Variants in TCF7L2 observed in about 807,000 individuals in gnomAD.
The protein encoded by TCF7L2 is transcription factor 7 like 2.
TCF7L2 carries 23 observed loss-of-function variants against 77.9 expected under a neutral mutation model. That is an observed-to-expected ratio of 0.30 (90% CI 0.21 to 0.42). The LOEUF is 0.42. Ranked by LOEUF, TCF7L2 falls within the 10% of genes least tolerant of loss-of-function variation. The pLI is 1.00. For synonymous variants in TCF7L2, 413 were observed against 340.2 expected (o/e 1.21, Z -2.36); for missense variants, 654 against 793.1 (o/e 0.82, Z 2.11).
intron 5 of TCF7L2, among the ~76,000 whole-genome samples, chr10:113,082,437 C>G (rs72641337): frequency 0.051 from 7,808 of 151,860 alleles, 866 homozygotes; most frequent in East Asian, 0.47. Context: ...GTACACTTTC[C>G]CCCCCACAGG....
intron 4 of TCF7L2, among the ~76,000 whole-genome samples, chr10:113,000,976 AG>A (rs1193301066): frequency 6.6e-6 from 1 of 152,214 alleles, no homozygotes; most frequent in Non-Finnish European, 1.5e-5. Context: ...ATGTGTGAAC[AG>A]GGTTTTGACA....
At chr10:113,059,503 G>T (rs1002085722) in intron 5 of TCF7L2, among the ~76,000 whole-genome samples, 1 of 152,154 alleles carries the variant, frequency 6.6e-6, no homozygotes, top group Non-Finnish European at 1.5e-5. Context: ...TTTGGAGTTT[G>T]AATCAAAAAC....
chr10:112,967,813 T>G (rs2037334106), intron 4 of TCF7L2, among the ~76,000 whole-genome samples: 1 of 151,978 alleles, frequency 6.6e-6, no homozygotes, highest in Non-Finnish European at 1.5e-5. Context: ...TTTTGTATTT[T>G]TAGTGGAGAT....
intron 4 of TCF7L2, among the ~76,000 whole-genome samples, chr10:112,970,953 T>C (rs761341896): frequency 2.0e-5 from 3 of 152,212 alleles, no homozygotes; most frequent in Non-Finnish European, 4.4e-5. Context: ...AGAGAGATCA[T>C]TTCACTAGAG....
chr10:112,988,362 G>C (rs552505902), intron 4 of TCF7L2, among the ~76,000 whole-genome samples: 45 of 152,206 alleles, frequency 3.0e-4, no homozygotes, highest in Non-Finnish European at 5.7e-4. Context: ...GCCTCCCAAA[G>C]TGCTGGGATT....
chr10:113,156,444 T>C (rs1233271113), intron 11 of TCF7L2, among the ~76,000 whole-genome samples: 2 of 152,214 alleles, frequency 1.3e-5, no homozygotes, highest in Non-Finnish European at 2.9e-5. Flanking sequence ...TCATTGTCTT[T>C]TTCTCTTCCG....
intron 5 of TCF7L2, among the ~76,000 whole-genome samples, chr10:113,063,622 A>T (rs2056818535): frequency 6.6e-6 from 1 of 151,980 alleles, no homozygotes; most frequent in Non-Finnish European, 1.5e-5. Flanking sequence ...CATTAATCTG[A>T]TTCTGTTATC....
intron 5 of TCF7L2, among the ~76,000 whole-genome samples, chr10:113,058,839 G>A (rs549350277): frequency 6.6e-6 from 1 of 152,250 alleles, no homozygotes; most frequent in East Asian, 1.9e-4. Context: ...TTTATTCCTC[G>A]GTAAATCCTT....
At chr10:113,007,604 T>A (rs1053845639) in intron 4 of TCF7L2, among the ~76,000 whole-genome samples, 1 of 152,118 alleles carries the variant, frequency 6.6e-6, no homozygotes, top group African/African-American at 2.4e-5. Context: ...GTAAACAGAG[T>A]GATTCTGCCA....
At chr10:113,045,496 C>T (rs1180429280) in intron 5 of TCF7L2, among the ~76,000 whole-genome samples, 3 of 152,110 alleles carry the variant, frequency 2.0e-5, no homozygotes, top group African/African-American at 7.2e-5. Context: ...CCCTGGGACC[C>T]CCAGGGAACC....
intron 5 of TCF7L2, among the ~76,000 whole-genome samples, chr10:113,044,894 A>G (rs1307794143): frequency 6.6e-6 from 1 of 152,048 alleles, no homozygotes; most frequent in South Asian, 2.1e-4. Context: ...GACACTGGGG[A>G]GTCATTTGAG....
At chr10:113,030,340 C>T (rs1430933886) in intron 4 of TCF7L2, among the ~76,000 whole-genome samples, 1 of 152,210 alleles carries the variant, frequency 6.6e-6, no homozygotes, top group Non-Finnish European at 1.5e-5. Context: ...ATTCTTATCC[C>T]AGAACATACC....
At chr10:113,159,517 C>G (rs2072685792) in intron 12 of TCF7L2, among the ~76,000 whole-genome samples, 1 of 151,460 alleles carries the variant, frequency 6.6e-6, no homozygotes, top group Admixed American at 6.6e-5. Flanking sequence ...GCTTTATTTT[C>G]TTCTTTAAGA....
At chr10:113,005,663 G>A (rs953531318) in intron 4 of TCF7L2, among the ~76,000 whole-genome samples, 2 of 152,140 alleles carry the variant, frequency 1.3e-5, no homozygotes, top group Admixed American at 6.5e-5. Flanking sequence ...CTTGTACTTC[G>A]GGGTGAGGCT....
intron 5 of TCF7L2, among the ~76,000 whole-genome samples, chr10:113,106,154 G>A (rs1350763451): frequency 6.6e-6 from 1 of 152,154 alleles, no homozygotes; most frequent in Non-Finnish European, 1.5e-5. Flanking sequence ...AATGCAAACA[G>A]ACCCCAACCA....
chr10:112,995,368 T>A (rs937101683), intron 4 of TCF7L2, among the ~76,000 whole-genome samples: 2 of 152,162 alleles, frequency 1.3e-5, no homozygotes, highest in African/African-American at 4.8e-5. Context: ...TGACAGTGGC[T>A]GGAGTTCGTT....
chr10:112,985,754 C>G (rs567837241), intron 4 of TCF7L2, among the ~76,000 whole-genome samples: 5 of 152,226 alleles, frequency 3.3e-5, no homozygotes, highest in South Asian at 2.1e-4. Context: ...AATGCCCCCC[C>G]CTTCACTTGG....
At chr10:113,143,879 C>A (rs2136925721) in intron 6 of TCF7L2, 44 bp from the exon 7 acceptor site, 5 of 1,488,228 alleles carry the variant, frequency 3.4e-6, no homozygotes, top group Admixed American at 1.8e-5. Flanking sequence ...TTGCTCTTTC[C>A]TTCTCTCCCT....
chr10:112,977,425 C>T (rs2039624346), intron 4 of TCF7L2, among the ~76,000 whole-genome samples: 1 of 152,156 alleles, frequency 6.6e-6, no homozygotes, highest in African/African-American at 2.4e-5. Context: ...GAACAGAGAG[C>T]ATAGGGTGTG....
Sources: gnomAD v4.1 joint callset for allele counts (sites outside exome capture counted in the v4.1 genomes callset) on GRCh38, gnomAD v4.1.1 for gene constraint, MANE v1.5 for transcripts, NCBI Gene and HGNC (gene_info 2026-07-23, HGNC 2026-07-21) for gene names.